Variants in CPA5 observed in about 807,000 individuals in gnomAD.
CPA5 encodes testicular tissue protein Li 32.
Under a neutral mutation model 52.2 loss-of-function variants are expected in CPA5, and 38 were observed. That is an observed-to-expected ratio of 0.73 (90% CI 0.56 to 0.95). CPA5 has a LOEUF of 0.95. Among genes scored for constraint, CPA5 ranks in the 40% least tolerant of loss-of-function variants. The probability of loss-of-function intolerance (pLI) is 0.00; values close to 1 mark genes in which losing one functional copy is unlikely to be tolerated. For missense variants in CPA5, 519 were observed against 566.7 expected (o/e 0.92, Z 0.86); for synonymous variants, 198 against 213.7 (o/e 0.93, Z 0.64).
Position 130,363,007 on chromosome 7 carries a change from G to C in CPA5, c.747+13G>C, listed in dbSNP as rs782574355. The stretch of plus-strand genomic sequence containing the variant: ...TACCCACAGCATGGTGAGGGAACCT[G>C]GGAAGGATGGAAGGAGGGGGTCAGC... On this transcript the variant is annotated intron_variant, in intron 9 of 12. Coordinates refer to ENST00000474905, the MANE Select transcript of CPA5 (RefSeq NM_080385.5). 3 of 1,522,968 alleles carry C rather than the reference G, an allele frequency of 2.0e-6. No individual in the cohort carries two copies. In the South Asian group the frequency reaches 3.4e-5, roughly 17 times the overall value. 94.3% of individuals were successfully genotyped at this position (1,522,968 alleles called of 1,614,324 possible).
At chr7:130,361,852 T>TA (rs1554406737) in intron 7 of CPA5, among the ~76,000 whole-genome samples, 2 of 152,210 alleles carry the variant, frequency 1.3e-5, no homozygotes, top group African/African-American at 4.8e-5. Context: ...TAGCATCAGC[T>TA]GTCAGGAAGG....
At chr7:130,362,232 C>T (rs749683119) in intron 7 of CPA5, among the ~76,000 whole-genome samples, 2 of 152,152 alleles carry the variant, frequency 1.3e-5, no homozygotes, top group Non-Finnish European at 2.9e-5. Context: ...TCACTTTGCT[C>T]GCCAATGGCA....
intron 5 of CPA5, 66 bp downstream of exon 5, chr7:130,350,175 G>A: frequency 6.5e-7 from 1 of 1,538,484 alleles, no homozygotes; most frequent in African/African-American, 1.4e-5. Flanking sequence ...CCAACATGGA[G>A]GAGATGTTCT....
At chr7:130,367,164 T>A (rs1306873716) in intron 10 of CPA5, among the ~76,000 whole-genome samples, 4 of 151,874 alleles carry the variant, frequency 2.6e-5, no homozygotes, top group African/African-American at 4.8e-5. Flanking sequence ...GAAAAGAGCA[T>A]GGAGAAGTCA....
intron 6 of CPA5, among the ~76,000 whole-genome samples, chr7:130,360,884 C>T (rs1795754715): frequency 1.3e-5 from 2 of 152,232 alleles, no homozygotes. Context: ...TCAGCACACA[C>T]TGTTCTTCCA....
intron 10 of CPA5, among the ~76,000 whole-genome samples, chr7:130,366,802 G>C (rs1359805326): frequency 6.6e-6 from 1 of 152,174 alleles, no homozygotes; most frequent in Non-Finnish European, 1.5e-5. Flanking sequence ...GCTCACTAGG[G>C]GAAGCCAGGG....
At chr7:130,347,736 C>G (rs1794857332) in intron 3 of CPA5, 30 bp from the exon 4 acceptor site, 2 of 1,589,608 alleles carry the variant, frequency 1.3e-6, no homozygotes, top group Non-Finnish European at 1.7e-6. Flanking sequence ...TTCTCCGCAG[C>G]TTCCTCCGCC....
Position 130,361,071 on chromosome 7 carries a change from C to T in CPA5, c.433-72C>T, listed in dbSNP as rs565543533. 293 of 934,538 alleles carry T rather than the reference C, an allele frequency of 3.1e-4. 2 individuals are homozygous for T. The South Asian group carries it at 4.0e-3, about 13-fold the overall frequency. The allele number at this position is 934,538 out of a possible 1,614,324, so 57.9% of individuals were successfully genotyped here. On this transcript the variant is annotated intron_variant, in intron 6 of 12. Transcript: ENST00000474905. ...AGAGAGTGGGAAGGGACAGGGAGAA[C>T]ATTCAGAGAGGCCCCAGTGTTCATC...
intron 5 of CPA5, among the ~76,000 whole-genome samples, chr7:130,358,563 C>A (rs545863066): frequency 6.6e-6 from 1 of 152,290 alleles, no homozygotes; most frequent in African/African-American, 2.4e-5. Flanking sequence ...AATAAGTTAT[C>A]AGCAAGACTT....
chr7:130,348,281 A>G (rs1336201396), intron 4 of CPA5, among the ~76,000 whole-genome samples: 1 of 152,220 alleles, frequency 6.6e-6, no homozygotes, highest in African/African-American at 2.4e-5. Flanking sequence ...CAGCCTGAGC[A>G]TCATTCCTGA....
rs181320179 is a variant in CPA5 at position 130,366,230 on chromosome 7, C to G, written c.839-1142C>G. ...AGCATCATCTGAAGTGGTCCATGGG[C>G]CAGCCCCCAGCCCCAGGAGTCAAGA... On this transcript the variant is annotated intron_variant, in intron 10 of 12. Transcript: ENST00000474905. 2.3e-4 allele frequency among the ~76,000 whole-genome samples: 35 copies of G among 152,324 alleles called. 1 individual carries two copies. The highest frequency in any genetic ancestry group is 1.6e-3 in the Admixed American group (25 of 15,310).
At chr7:130,350,213 T>C (rs1795046122) in intron 5 of CPA5, 104 bp downstream of exon 5, 11 of 1,250,462 alleles carry the variant, frequency 8.8e-6, no homozygotes, top group Non-Finnish European at 1.2e-5. Flanking sequence ...ATGTGGTTTC[T>C]GGGTCTCCAT....
intron 5 of CPA5, among the ~76,000 whole-genome samples, chr7:130,351,844 C>T (rs1795163249): frequency 1.3e-5 from 2 of 152,144 alleles, no homozygotes; most frequent in South Asian, 4.1e-4. Context: ...TTGGCAATGT[C>T]CCCTGCAGGG....
chr7:130,358,201 G>C (rs1378119154), intron 5 of CPA5, among the ~76,000 whole-genome samples: 1 of 152,122 alleles, frequency 6.6e-6, no homozygotes, highest in South Asian at 2.1e-4. Flanking sequence ...GCCTTGCTTT[G>C]TTGCCCAGGC....
intron 6 of CPA5, among the ~76,000 whole-genome samples, chr7:130,360,552 T>C (rs574045400): frequency 3.3e-5 from 5 of 152,372 alleles, no homozygotes; most frequent in Admixed American, 2.0e-4. Context: ...ATCCATCTAT[T>C]ATCATCATCG....
intron 10 of CPA5, 21 bp from the exon 11 acceptor site, chr7:130,367,351 G>A: frequency 6.2e-7 from 1 of 1,612,026 alleles, no homozygotes; most frequent in Non-Finnish European, 8.5e-7. Context: ...GACTCTTTGG[G>A]TGGCTTTATT....
chr7:130,362,701 C>T lies in CPA5; in HGVS notation c.636+162C>T, dbSNP rs563446322. 9.2e-5 allele frequency among the ~76,000 whole-genome samples: 14 copies of T among 152,310 alleles called. No individual in the cohort carries two copies. The East Asian group carries it at 9.7e-4, about 11-fold the overall frequency. The stretch of plus-strand genomic sequence containing the variant: ...CCGTGCACTCTTACCTTTTGCAGCA[C>T]GGAGCCCACATTGATCCCCTGCCTT... On this transcript the variant is annotated intron_variant, in intron 8 of 12. Transcript: ENST00000474905.
At chr7:130,358,245 T>G (rs1351183884) in intron 5 of CPA5, among the ~76,000 whole-genome samples, 1 of 152,146 alleles carries the variant, frequency 6.6e-6, no homozygotes, top group Non-Finnish European at 1.5e-5. Context: ...GCGACCCTCC[T>G]GCCTTGGACT....
rs533162578 is a variant in CPA5, at chr7:130,346,305, T to C, written c.-93-88T>C. The C allele has an allele frequency of 4.1e-5, 20 of 493,144 alleles. No homozygotes were observed. In the Admixed American group the frequency reaches 6.0e-4, roughly 15 times the overall value. The allele number at this position is 493,144 out of a possible 1,614,324, so 30.5% of individuals were successfully genotyped here. A position where few individuals can be genotyped will look rare whatever the true frequency, so the allele number is the denominator to read the frequency against. On this transcript the variant is annotated intron_variant, in intron 2 of 12. Coordinates refer to ENST00000474905, the MANE Select transcript of CPA5 (RefSeq NM_080385.5). The stretch of plus-strand genomic sequence containing the variant: ...CCTTCCCAGGAGAGGATGTGCTGGG[T>C]TGGGGAGGGGCAGCCCTAGCTCTCC...
Sources: gnomAD v4.1 joint callset for allele counts (sites outside exome capture counted in the v4.1 genomes callset) on GRCh38, gnomAD v4.1.1 for gene constraint, MANE v1.5 for transcripts, NCBI Gene and HGNC (gene_info 2026-07-23, HGNC 2026-07-21) for gene names.